Variants in SLC24A2 observed in about 807,000 individuals in gnomAD.
SLC24A2 encodes solute carrier family 24 member 2, also known as sodium/potassium/calcium exchanger 2.
In SLC24A2, 36 loss-of-function variants were observed where a neutral mutation model predicts 62.0. That is an observed-to-expected ratio of 0.58 (90% CI 0.44 to 0.77). The LOEUF (loss-of-function observed/expected upper bound fraction) is 0.77, where lower values mean the gene tolerates loss of function less well. Among genes scored for constraint, SLC24A2 ranks in the 30% least tolerant of loss-of-function variants. The pLI, the probability that SLC24A2 is intolerant of heterozygous loss-of-function variation, is 0.00. For missense variants in SLC24A2, 846 were observed against 817.9 expected, an observed-to-expected ratio of 1.03 and a Z score of -0.42; for synonymous variants, 358 against 294.0, an observed-to-expected ratio of 1.22 and a Z score of -2.23.
At position 19,641,123 on chromosome 9, in the gene SLC24A2, G is replaced by A. The variant is rs375293205; in HGVS notation, c.931-18824C>T. Among the ~76,000 whole-genome samples, 267 of 152,334 alleles carry A rather than the reference G, an allele frequency of 1.8e-3. 11 individuals carry two copies. The South Asian group carries it at 0.054, about 31-fold the overall frequency. ...AGACCAAGTCACCAAAGACCATTCA[G>A]ATGTAAAGATGGTGGCCACTTCCCT... On this transcript the variant is annotated intron_variant, in intron 2 of 10. Transcript: ENST00000341998.
At chr9:20,058,678 G>T in the SLC24A2 span, among the ~76,000 whole-genome samples, 8 of 152,186 alleles carry the variant, frequency 5.3e-5, no homozygotes, top group Non-Finnish European at 1.2e-4. Flanking sequence ...CACTTTGGAA[G>T]ATCACTTGAC....
the SLC24A2 span, among the ~76,000 whole-genome samples, chr9:20,267,453 C>T: frequency 9.9e-5 from 15 of 152,134 alleles, no homozygotes; most frequent in South Asian, 8.3e-4. Context: ...CCCCGAGTGC[C>T]GCCACCACCC....
At chr9:19,948,289 A>G in the SLC24A2 span, among the ~76,000 whole-genome samples, 2 of 152,200 alleles carry the variant, frequency 1.3e-5, no homozygotes, top group African/African-American at 4.8e-5. Context: ...GTTTAGGCCA[A>G]GATGTTCCAA....
the SLC24A2 span, among the ~76,000 whole-genome samples, chr9:20,216,208 G>A: frequency 1.6e-4 from 25 of 152,294 alleles, 1 homozygote; most frequent in African/African-American, 5.3e-4. Context: ...AATGCACCAC[G>A]TTGTATCCCG....
the SLC24A2 span, among the ~76,000 whole-genome samples, chr9:20,007,880 T>TCTC: frequency 2.9e-4 from 7 of 23,890 alleles, no homozygotes; most frequent in Non-Finnish European, 5.9e-4. Context: ...TACTCCTCTC[T>TCTC]TTTTTTTTTT....
rs1048850752 is a variant in SLC24A2 at position 19,516,069 on chromosome 9, C to T, written c.*84G>A. ...GGCACCCAGGGCTGTGTGCCAGCTG[C>T]CTCTTCTCAAGAGGTCAAGGAGCCC... On this transcript the variant is annotated 3_prime_UTR_variant, in exon 11 of 11. Transcript: ENST00000341998. 3.2e-6 allele frequency: 5 copies of T among 1,555,508 alleles called. No individual in the cohort carries two copies. Among genetic ancestry groups the T allele is most frequent in the Non-Finnish European group, 4.4e-6 (5 of 1,127,940 alleles).
the SLC24A2 span, among the ~76,000 whole-genome samples, chr9:19,797,935 A>G: frequency 1.3e-5 from 2 of 152,214 alleles, no homozygotes; most frequent in African/African-American, 4.8e-5. Flanking sequence ...CCTCTGCTCT[A>G]TTGGTTTTCT....
chr9:20,272,823 C>A, the SLC24A2 span, among the ~76,000 whole-genome samples: 1 of 152,190 alleles, frequency 6.6e-6, no homozygotes, highest in Admixed American at 6.5e-5. Flanking sequence ...CAGAGGCCCA[C>A]TGAGAATGCA....
the SLC24A2 span, among the ~76,000 whole-genome samples, chr9:20,229,155 C>G: frequency 0.022 from 3,415 of 152,276 alleles, 136 homozygotes; most frequent in African/African-American, 0.077. Context: ...CAGCTCATCA[C>G]TTTCCTACAG....
At chr9:19,807,731 C>T in the SLC24A2 span, among the ~76,000 whole-genome samples, 4 of 152,272 alleles carry the variant, frequency 2.6e-5, no homozygotes, top group African/African-American at 7.2e-5. Context: ...CTGCTTTAAA[C>T]GAAACTATTG....
the SLC24A2 span, among the ~76,000 whole-genome samples, chr9:20,003,695 T>G: frequency 5.9e-5 from 9 of 152,294 alleles, no homozygotes; most frequent in East Asian, 1.7e-3. Flanking sequence ...CTGTCACAAC[T>G]ACTAGCTCTG....
intron 2 of SLC24A2, among the ~76,000 whole-genome samples, chr9:19,782,752 A>C (rs1823053266): frequency 6.6e-6 from 1 of 152,224 alleles, no homozygotes; most frequent in Non-Finnish European, 1.5e-5. Flanking sequence ...ATCATGCTAG[A>C]TGCTTAACAT....
At chr9:19,787,205 T>G (rs1410741023) in intron 1 of SLC24A2, among the ~76,000 whole-genome samples, 186 bp from the exon 2 acceptor site, 1 of 152,168 alleles carries the variant, frequency 6.6e-6, no homozygotes, top group African/African-American at 2.4e-5. Context: ...CCCAGGATTG[T>G]TTTCAAGATG....
chr9:19,909,935 T>C, the SLC24A2 span, among the ~76,000 whole-genome samples: 2 of 152,138 alleles, frequency 1.3e-5, no homozygotes, highest in African/African-American at 4.8e-5. Flanking sequence ...TGCAAACATG[T>C]TCAAATTTTT....
intron 8 of SLC24A2, among the ~76,000 whole-genome samples, chr9:19,534,735 C>T (rs921464628): frequency 1.3e-5 from 2 of 152,134 alleles, no homozygotes; most frequent in South Asian, 4.1e-4. Context: ...ATATGTGGCA[C>T]ATTTTCTTTA....
chr9:19,578,411 A>G (rs1482558148), intron 5 of SLC24A2, among the ~76,000 whole-genome samples: 1 of 150,038 alleles, frequency 6.7e-6, no homozygotes, highest in Non-Finnish European at 1.5e-5. Context: ...GAAACAGCAC[A>G]TTCCTCTTCT....
the SLC24A2 span, among the ~76,000 whole-genome samples, chr9:19,821,083 G>A: frequency 6.6e-6 from 1 of 151,962 alleles, no homozygotes; most frequent in Non-Finnish European, 1.5e-5. Context: ...GTTTCTGAAG[G>A]ATTGTTATGT....
chr9:19,764,447 G>A (rs4977323), intron 2 of SLC24A2, among the ~76,000 whole-genome samples: 113,453 of 152,132 alleles, frequency 0.75, 42,483 homozygotes, highest in South Asian at 0.8. Context: ...TTAGTGCTGT[G>A]AATTTCCCTC....
At chr9:19,643,611 C>A (rs1015814452) in intron 2 of SLC24A2, among the ~76,000 whole-genome samples, 3 of 152,340 alleles carry the variant, frequency 2.0e-5, no homozygotes, top group African/African-American at 7.2e-5. Context: ...CAGCCCCGAA[C>A]TCTCTTCCAT....
Sources: allele counts gnomAD v4.1 joint callset (sites outside exome capture counted in the v4.1 genomes callset), GRCh38; gene constraint gnomAD v4.1.1; transcripts MANE v1.5; gene names NCBI Gene and HGNC (gene_info 2026-07-23, HGNC 2026-07-21).